Variants in CRPPA observed in about 807,000 individuals in gnomAD.
CRPPA encodes CDP-L-ribitol pyrophosphorylase A.
A neutral mutation model predicts 52.0 loss-of-function variants in CRPPA; 43 were observed. The observed-to-expected ratio is 0.83, with a 90% CI of 0.65 to 1.07. The LOEUF (loss-of-function observed/expected upper bound fraction) is 1.07, where lower values mean the gene tolerates loss of function less well. Ranked by LOEUF, CRPPA falls within the 50% of genes least tolerant of loss-of-function variation. The pLI is 0.00. For missense variants in CRPPA, 629 were observed against 551.7 expected (o/e 1.14, Z -1.40); for synonymous variants, 250 against 203.5 (o/e 1.23, Z -1.94).
At chr7:16,102,022 A>G (rs887693653) in intron 9 of CRPPA, among the ~76,000 whole-genome samples, 1 of 152,146 alleles carries the variant, frequency 6.6e-6, no homozygotes, top group Non-Finnish European at 1.5e-5. Flanking sequence ...AAAAAGAACA[A>G]AGCTGGAGGC....
chr7:16,277,373 A>AG (rs935986489), intron 6 of CRPPA: 1 of 152,004 alleles, frequency 6.6e-6, no homozygotes, highest in Non-Finnish European at 1.5e-5. Context: ...TCAAAAAAAA[A>AG]AAAAAAAAAA....
chr7:16,226,356 A>C (rs558869990), intron 8 of CRPPA, among the ~76,000 whole-genome samples: 13 of 152,072 alleles, frequency 8.5e-5, no homozygotes, highest in African/African-American at 3.1e-4. Context: ...TTCCAATGAA[A>C]AACTGGAAGG....
At chr7:16,259,514 T>C (rs1036124504) in intron 6 of CRPPA, among the ~76,000 whole-genome samples, 1 of 151,976 alleles carries the variant, frequency 6.6e-6, no homozygotes, top group African/African-American at 2.4e-5. Flanking sequence ...AAACTATTCC[T>C]AAAACTGTCG....
chr7:16,360,472 A>G (rs1002417740), intron 3 of CRPPA, among the ~76,000 whole-genome samples: 17 of 152,186 alleles, frequency 1.1e-4, no homozygotes, highest in Admixed American at 5.9e-4. Flanking sequence ...ATGTTACTAT[A>G]AAATCACACT....
chr7:16,299,965 T>G (rs1784758376), intron 5 of CRPPA, among the ~76,000 whole-genome samples: 2 of 152,216 alleles, frequency 1.3e-5, no homozygotes, highest in Admixed American at 6.5e-5. Flanking sequence ...TACAAAGCTC[T>G]GTGAAGAAAC....
intron 2 of CRPPA, among the ~76,000 whole-genome samples, chr7:16,379,226 T>C (rs1014027613): frequency 2.6e-5 from 4 of 152,248 alleles, no homozygotes; most frequent in African/African-American, 9.6e-5. Context: ...TCTTCTAGGG[T>C]TTTTATGGTT....
chr7:16,213,809 T>C (rs1782222880), intron 9 of CRPPA, among the ~76,000 whole-genome samples: 1 of 152,150 alleles, frequency 6.6e-6, no homozygotes, highest in Non-Finnish European at 1.5e-5. Context: ...CCTTAGTCTA[T>C]TTTAAGTATT....
chr7:16,113,676 A>G (rs1265461947), intron 9 of CRPPA, among the ~76,000 whole-genome samples: 1 of 149,750 alleles, frequency 6.7e-6, no homozygotes, highest in African/African-American at 2.4e-5. Flanking sequence ...CAAAAACTAC[A>G]CCCCCCTCAA....
At chr7:16,404,678 G>C (rs1257540804) in intron 2 of CRPPA, among the ~76,000 whole-genome samples, 1 of 150,448 alleles carries the variant, frequency 6.6e-6, no homozygotes, top group Non-Finnish European at 1.5e-5. Context: ...CTACCAAATT[G>C]TATTGTCATC....
rs568182436 is a variant in CRPPA, at chr7:16,344,946, G to A, written c.684+31146C>T. Among the ~76,000 whole-genome samples the A allele has an allele frequency of 7.9e-5, 12 of 152,014 alleles. No homozygotes were observed. The South Asian group carries it at 2.5e-3, about 32-fold the overall frequency. ...AAAGGAGCAGAAATAATTTTTGGTA[G>A]TAATAACTAAAAACTGCCCAATTTT... On this transcript the variant is annotated intron_variant, in intron 3 of 9. Coordinates refer to ENST00000407010, the MANE Select transcript of CRPPA (RefSeq NM_001101426.4).
Position 16,297,386 on chromosome 7 carries a change from G to C in CRPPA, c.835+4035C>G, listed in dbSNP as rs1391087354. On this transcript the variant is annotated intron_variant, in intron 5 of 9. Coordinates refer to ENST00000407010, the MANE Select transcript of CRPPA (RefSeq NM_001101426.4). ...AAAAGGAAAAAAACAATGATATAGT[G>C]ATAGATATTCTAGTTCCCTATAAGC... is the stretch of plus-strand genomic sequence containing the variant. Among the ~76,000 whole-genome samples the C allele has an allele frequency of 5.3e-5, 8 of 152,286 alleles. No homozygotes were observed. In the East Asian group the frequency reaches 1.5e-3, roughly 29 times the overall value.
intron 1 of CRPPA, among the ~76,000 whole-genome samples, chr7:16,413,775 G>A (rs1788125138): frequency 6.6e-6 from 1 of 152,142 alleles, no homozygotes; most frequent in Non-Finnish European, 1.5e-5. Context: ...AGACTATGGA[G>A]TCTTAAACAA....
At chr7:16,329,717 G>A (rs1349803050) in intron 3 of CRPPA, among the ~76,000 whole-genome samples, 3 of 152,144 alleles carry the variant, frequency 2.0e-5, no homozygotes, top group Admixed American at 6.5e-5. Flanking sequence ...ACAAAAAGCT[G>A]AGGATTCATG....
At chr7:16,125,827 T>G (rs1320565764) in intron 9 of CRPPA, among the ~76,000 whole-genome samples, 1 of 151,780 alleles carries the variant, frequency 6.6e-6, no homozygotes, top group African/African-American at 2.4e-5. Flanking sequence ...CCTTTGTCAT[T>G]TTAAATCCCT....
At chr7:16,095,156 T>C (rs553364089) in intron 9 of CRPPA, among the ~76,000 whole-genome samples, 1 of 152,326 alleles carries the variant, frequency 6.6e-6, no homozygotes, top group East Asian at 1.9e-4. Context: ...TATTTTTTAA[T>C]TGATGACTAT....
chr7:16,269,732 T>A (rs1784047422), intron 6 of CRPPA: 3 of 152,174 alleles, frequency 2.0e-5, no homozygotes. Context: ...TTGGAACCAT[T>A]GTTTAGCTAA....
intron 9 of CRPPA, among the ~76,000 whole-genome samples, chr7:16,177,500 T>C (rs2128386760): frequency 6.6e-6 from 1 of 151,320 alleles, no homozygotes; most frequent in South Asian, 2.1e-4. Context: ...ACCTGGGGGG[T>C]CATCTCCATG....
Position 16,088,455 on chromosome 7 carries a change from T to C in CRPPA, c.*3240A>G, listed in dbSNP as rs1220936279. The C allele has an allele frequency of 4.1e-5, 6 of 148,006 alleles. No individual in the cohort carries two copies. Among genetic ancestry groups the C allele is most frequent in the Non-Finnish European group, 7.4e-5 (5 of 67,462 alleles). The allele number at this position is 148,006 out of a possible 1,614,324, so 9.2% of individuals were successfully genotyped here. A position where few individuals can be genotyped will look rare whatever the true frequency, so the allele number is the denominator to read the frequency against. On this transcript the variant is annotated 3_prime_UTR_variant, in exon 10 of 10. Coordinates refer to ENST00000407010, the MANE Select transcript of CRPPA (RefSeq NM_001101426.4). Reference sequence around the variant, plus strand: ...TTTTTTGAGACGGAGTCTTGCTCTGTTGCCCAGGCTGGAGTGCAGTGGCGC... The same window carrying C: ...TTTTTTGAGACGGAGTCTTGCTCTGCTGCCCAGGCTGGAGTGCAGTGGCGC...
chr7:16,105,026 A>G (rs886371596), intron 9 of CRPPA, among the ~76,000 whole-genome samples: 5 of 152,228 alleles, frequency 3.3e-5, no homozygotes, highest in Non-Finnish European at 7.3e-5. Context: ...AAAACAGTGA[A>G]AACAGTGACA....
Sources: allele counts gnomAD v4.1 joint callset (sites outside exome capture counted in the v4.1 genomes callset), GRCh38; gene constraint gnomAD v4.1.1; transcripts MANE v1.5; gene names NCBI Gene and HGNC (gene_info 2026-07-23, HGNC 2026-07-21).